Variants in HPS1 observed in about 807,000 individuals in gnomAD.
HPS1 encodes the protein HPS1 biogenesis of lysosomal organelles complex 3 subunit 1, also known as BLOC-3 complex member HPS1.
In HPS1, 59 loss-of-function variants were observed where a neutral mutation model predicts 90.6. The ratio of observed to expected loss-of-function variants is 0.65; its 90% CI spans 0.53 to 0.81. The LOEUF is 0.81. HPS1 is among the 30% of genes least tolerant of loss of function. The pLI is 0.00. For synonymous variants in HPS1, 388 were observed against 384.4 expected (o/e 1.01, Z -0.11); for missense variants, 849 against 896.7 (o/e 0.95, Z 0.68).
At position 98,423,681 on chromosome 10, in the gene HPS1, G is replaced by A. The variant is rs1024131351; in HGVS notation, c.1533-13C>T. On this transcript the variant is annotated splice_polypyrimidine_tract_variant and intron_variant, in intron 15 of 19. Transcript: ENST00000361490. ...CGTCAGCTTCTCCCTGCCGAGGGAA[G>A]CTCGGGCTGCGTGAAGGAAGTACGG... 7 of 1,613,966 alleles carry A rather than the reference G, an allele frequency of 4.3e-6. No homozygotes were observed. In the African/African-American group the frequency reaches 8.0e-5, roughly 18 times the overall value.
rs1184906384 is a variant in HPS1, at chr10:98,422,651, C to A, written c.1599-138G>T. The A allele has an allele frequency of 4.0e-5, 34 of 846,602 alleles. 3 individuals are homozygous for A. The South Asian group carries it at 4.4e-4, about 11-fold the overall frequency. The allele number at this position is 846,602 out of a possible 1,614,324, so 52.4% of individuals were successfully genotyped here. ...TCCAGCAGCTTCCATTTCAGCTAAG[C>A]CCCCTGTATCCTTGCTTCCTCAGAT... On this transcript the variant is annotated intron_variant, in intron 16 of 19. Coordinates refer to ENST00000361490, the MANE Select transcript of HPS1 (RefSeq NM_000195.5).
intron 10 of HPS1, among the ~76,000 whole-genome samples, chr10:98,428,459 G>A (rs1417161921): frequency 3.9e-5 from 6 of 152,198 alleles, no homozygotes; most frequent in South Asian, 2.1e-4. Flanking sequence ...GTTTGCACCC[G>A]AGGCACACTG....
In HPS1 at chr10:98,435,652, G is replaced by A; in HGVS notation, c.238C>T (p.Leu80=). ...TCFSTENGNF[L]YVLHLFGECL... is the part of the protein sequence containing the mutation. ...AGACTCACCAGGTGAAGGACATACA[G>A]GAAGTTGCCATTTTCCGTGGAGAAG... Residue 80 remains leucine, a synonymous_variant, in exon 4 of 20, where the codon CTG becomes TTG. Coordinates refer to ENST00000361490, the MANE Select transcript of HPS1 (RefSeq NM_000195.5). This position sits in a 1 kb window ranked among gnomAD's most constrained non-coding sequence, Gnocchi z 4.3. 1.2e-6 allele frequency: 2 copies of A among 1,614,210 alleles called. No homozygotes were observed. Among genetic ancestry groups the A allele is most frequent in the Non-Finnish European group, 1.7e-6 (2 of 1,180,032 alleles).
downstream of HPS1, chr10:98,416,116 G>A (rs1278862356): frequency 6.6e-6 from 1 of 152,326 alleles, no homozygotes; most frequent in Admixed American, 6.6e-5. Context: ...GAGAGTATGT[G>A]GAGATGATCC....
At chr10:98,443,388 C>T (rs1938809940) in intron 2 of HPS1, 148 bp from the exon 3 acceptor site, 3 of 753,592 alleles carry the variant, frequency 4.0e-6, no homozygotes, top group Admixed American at 1.8e-5. Context: ...ATTTTTGTTG[C>T]ACCCTCACAA....
intron 17 of HPS1, among the ~76,000 whole-genome samples, chr10:98,422,098 G>A (rs996914979): frequency 1.3e-5 from 2 of 152,114 alleles, no homozygotes; most frequent in African/African-American, 4.8e-5. Flanking sequence ...GTTAAATAAG[G>A]AGAATAAAAG....
Position 98,435,086 on chromosome 10 carries a change from C to G in HPS1, c.398+186G>C, listed in dbSNP as rs1847113705. ...GAGTTCCATTCTCTGCTCTGTTTCA[C>G]CAGATATAAAGTCAGAGGGTCAGAC... is the stretch of plus-strand genomic sequence containing the variant. On this transcript the variant is annotated intron_variant, in intron 5 of 19. Transcript: ENST00000361490. The surrounding 1 kb of genome is among the most constrained non-coding windows in gnomAD (Gnocchi z 4.3). 1.5e-6 allele frequency: 1 copy of G among 659,810 alleles called. No homozygotes were observed. The highest frequency in any genetic ancestry group is 2.6e-5 in the Admixed American group (1 of 38,978). The allele number at this position is 659,810 out of a possible 1,614,324, so 40.9% of individuals were successfully genotyped here. A position where few individuals can be genotyped will look rare whatever the true frequency, so the allele number is the denominator to read the frequency against.
At chr10:98,424,764 G>T (rs1417723580) in intron 13 of HPS1, among the ~76,000 whole-genome samples, 1 of 151,846 alleles carries the variant, frequency 6.6e-6, no homozygotes, top group Non-Finnish European at 1.5e-5. Flanking sequence ...GCCATGCAGG[G>T]GGCGGCCTCA....
intron 2 of HPS1, 82 bp from the exon 3 acceptor site, chr10:98,443,322 C>A: frequency 1.0e-6 from 1 of 986,994 alleles, no homozygotes; most frequent in South Asian, 1.3e-5. Flanking sequence ...AGGACCCCAA[C>A]CTCAGCAAAC....
At chr10:98,420,361 G>C in intron 17 of HPS1, 1 of 578,636 alleles carries the variant, frequency 1.7e-6, no homozygotes, top group Non-Finnish European at 3.1e-6. Context: ...TCCAGTTAGC[G>C]TGGGGGCAAA....
chr10:98,422,963 C>A (rs557300118), intron 16 of HPS1, among the ~76,000 whole-genome samples: 73 of 152,288 alleles, frequency 4.8e-4, no homozygotes, highest in African/African-American at 1.7e-3. Context: ...AAGAGACATC[C>A]ATAGAAGGGC....
At chr10:98,443,350 T>C in intron 2 of HPS1, 110 bp from the exon 3 acceptor site, 1 of 823,528 alleles carries the variant, frequency 1.2e-6, no homozygotes, top group South Asian at 1.3e-5. Context: ...GAGCCCCTTC[T>C]GCACACCAGG....
chr10:98,415,784 G>A (rs1283500827), downstream of HPS1, among the ~76,000 whole-genome samples: 1 of 151,196 alleles, frequency 6.6e-6, no homozygotes, highest in Non-Finnish European at 1.5e-5. Context: ...AACCCACAAC[G>A]AGGGCTTAGG....
chr10:98,422,393 C>G lies in HPS1; in HGVS notation c.1719G>C (p.Pro573=), dbSNP rs766775901. 6.2e-7 allele frequency: 1 copy of G among 1,614,118 alleles called. No individual in the cohort carries two copies. Among genetic ancestry groups the G allele is most frequent in the East Asian group, 2.2e-5 (1 of 44,888 alleles). The stretch of plus-strand genomic sequence containing the variant: ...CCTTAGTTTTGACAAAGGCAGCCAG[C>G]GGCCCCTTGCCCAACTCCGACGAGG... ...QKTSSELGKG[P]LAAFVKTKVW... Residue 573 remains proline (P), a synonymous_variant, in exon 17 of 20, where the codon CCG becomes CCC. Coordinates refer to ENST00000361490, the MANE Select transcript of HPS1 (RefSeq NM_000195.5).
At position 98,416,630 on chromosome 10, in the gene HPS1, A is replaced by G. The variant is rs901424636; in HGVS notation, c.*934T>C. ...TGCATGCACAGCACACGGCCATCTG[A>G]TCCTGTGCTGCAGTGGACGCTGACT... On this transcript the variant is annotated 3_prime_UTR_variant, in exon 20 of 20. Transcript: ENST00000361490. 2 of 152,368 alleles carry G rather than the reference A, an allele frequency of 1.3e-5. No homozygotes were observed. The highest frequency in any genetic ancestry group is 4.8e-5 in the African/African-American group (2 of 41,450). The allele number at this position is 152,368 out of a possible 1,614,324, so 9.4% of individuals were successfully genotyped here.
rs1487999756 is a variant in HPS1, at chr10:98,434,576, G to A, written c.399-485C>T. Among the ~76,000 whole-genome samples, 8 of 151,844 alleles carry A rather than the reference G, an allele frequency of 5.3e-5. No homozygotes were observed. In the East Asian group the frequency reaches 1.4e-3, roughly 26 times the overall value. ...GGGCTAAAATGACTCATGAAACAATGTTTGTGCATTTGAGAAATGCCTCAA... is the reference window on the plus strand; with the variant it reads ...GGGCTAAAATGACTCATGAAACAATATTTGTGCATTTGAGAAATGCCTCAA... On this transcript the variant is annotated intron_variant, in intron 5 of 19. Coordinates refer to ENST00000361490, the MANE Select transcript of HPS1 (RefSeq NM_000195.5).
At chr10:98,436,251 T>C (rs1296873547) in intron 3 of HPS1, among the ~76,000 whole-genome samples, 1 of 152,198 alleles carries the variant, frequency 6.6e-6, no homozygotes, top group African/African-American at 2.4e-5. Context: ...TAACATCTAG[T>C]ATCAGGGAAA....
At chr10:98,425,432 C>T in intron 13 of HPS1, 109 bp downstream of exon 13, 1 of 1,088,352 alleles carries the variant, frequency 9.2e-7, no homozygotes. Flanking sequence ...GAGGTGGAGC[C>T]CGGACAGGAA....
intron 17 of HPS1, 187 bp from the exon 18 acceptor site, chr10:98,420,345 C>G (rs959006452): frequency 6.4e-6 from 4 of 625,258 alleles, no homozygotes; most frequent in Non-Finnish European, 1.2e-5. Flanking sequence ...GATGGATGGA[C>G]TACCCTCCAG....
Sources: gnomAD v4.1 joint callset for allele counts (sites outside exome capture counted in the v4.1 genomes callset) on GRCh38, gnomAD v4.1.1 for gene constraint, Gnocchi (gnomAD v3.1) non-coding constraint, MANE v1.5 for transcripts, NCBI Gene and HGNC (gene_info 2026-07-23, HGNC 2026-07-21) for gene names.